AMPH: variants seen among roughly 807,000 people sequenced by gnomAD.
AMPH encodes amphiphysin (Stiff-Mann syndrome with breast cancer 128kD autoantigen).
A neutral mutation model predicts 99.1 loss-of-function variants in AMPH; 49 were observed. The observed-to-expected ratio is 0.49, with a 90% confidence interval of 0.39 to 0.63. The LOEUF (loss-of-function observed/expected upper bound fraction) is 0.63, where lower values mean the gene tolerates loss of function less well. AMPH is among the 20% of genes least tolerant of loss of function. The pLI is 0.00. For synonymous variants in AMPH, 314 were observed against 317.3 expected (o/e 0.99, Z 0.11); for missense variants, 759 against 863.4 (o/e 0.88, Z 1.52).
intron 15 of AMPH, 70 bp from the exon 16 acceptor site, chr7:38,422,547 T>C (rs1055679044): frequency 8.8e-7 from 1 of 1,142,592 alleles, no homozygotes; most frequent in African/African-American, 1.5e-5. Flanking sequence ...CAATTGTGTC[T>C]GCCTACGTAT....
At chr7:38,515,009 A>T (rs1367347887) in intron 2 of AMPH, among the ~76,000 whole-genome samples, 1 of 152,078 alleles carries the variant, frequency 6.6e-6, no homozygotes, top group Non-Finnish European at 1.5e-5. Context: ...AGAAGAGGAG[A>T]GCTATAGGAA....
chr7:38,392,377 C>CTTTTTTTTTT lies in AMPH; in HGVS notation c.1609-370_1609-361dup, dbSNP rs574057389. 2.3e-3 allele frequency among the ~76,000 whole-genome samples: 98 copies of CTTTTTTTTTT among 42,044 alleles called. 10 individuals are homozygous for CTTTTTTTTTT. The highest frequency in any genetic ancestry group is 3.8e-3 in the East Asian group (4 of 1,064). 27.6% of individuals were successfully genotyped at this position (42,044 alleles called of 152,430 possible). A position where few individuals can be genotyped will look rare whatever the true frequency, so the allele number is the denominator to read the frequency against. On this transcript the variant is annotated intron_variant, in intron 18 of 20. Transcript: ENST00000356264. ...GGAGTCAATGCAGGCCGGCCTGGTT[C>CTTTTTTTTTT]TTTTTTTTTTTTTTTTTTTTTTTTT...
At chr7:38,384,967 T>A in intron 20 of AMPH, 42 bp from the exon 21 acceptor site, 1 of 1,544,976 alleles carries the variant, frequency 6.5e-7, no homozygotes, top group South Asian at 1.1e-5. Flanking sequence ...AGCAAACTAC[T>A]GGAAAATCCA....
intron 16 of AMPH, among the ~76,000 whole-genome samples, chr7:38,421,787 A>G (rs971372720): frequency 1.2e-4 from 19 of 152,334 alleles, no homozygotes; most frequent in African/African-American, 2.9e-4. Flanking sequence ...CTCAAAAGTG[A>G]TATCTCTTAA....
chr7:38,389,459 TC>T (rs1398236352), intron 20 of AMPH, among the ~76,000 whole-genome samples: 1 of 152,148 alleles, frequency 6.6e-6, no homozygotes, highest in Non-Finnish European at 1.5e-5. Flanking sequence ...CTCATCAATA[TC>T]CACACACCCA....
chr7:38,538,806 G>A (rs543264701), intron 1 of AMPH, among the ~76,000 whole-genome samples: 2 of 152,328 alleles, frequency 1.3e-5, no homozygotes, highest in African/African-American at 4.8e-5. Flanking sequence ...CTTTGGGGGA[G>A]ACTGAGTAGG....
At chr7:38,572,415 T>C (rs1453691993) in intron 1 of AMPH, among the ~76,000 whole-genome samples, 6 of 152,156 alleles carry the variant, frequency 3.9e-5, no homozygotes, top group Non-Finnish European at 8.8e-5. Context: ...GTACAATCCA[T>C]GATGCTCACA....
intron 1 of AMPH, among the ~76,000 whole-genome samples, chr7:38,539,120 AG>A (rs1162547763): frequency 6.6e-6 from 1 of 152,222 alleles, no homozygotes; most frequent in African/African-American, 2.4e-5. Context: ...GGGGACCCAG[AG>A]GTATGGTCAA....
At chr7:38,432,852 A>C (rs961359098) in intron 12 of AMPH, among the ~76,000 whole-genome samples, 1 of 152,172 alleles carries the variant, frequency 6.6e-6, no homozygotes, top group African/African-American at 2.4e-5. Flanking sequence ...TTGGCAGAGC[A>C]CCCCCTAAGA....
chr7:38,393,532 G>A (rs1271202891), intron 18 of AMPH, among the ~76,000 whole-genome samples: 1 of 152,172 alleles, frequency 6.6e-6, no homozygotes, highest in East Asian at 1.9e-4. Flanking sequence ...TTCTCAAAGT[G>A]CCACCCAGTG....
intron 11 of AMPH, among the ~76,000 whole-genome samples, chr7:38,448,764 G>A (rs192519142): frequency 1.2e-4 from 18 of 152,276 alleles, no homozygotes; most frequent in African/African-American, 3.1e-4. Flanking sequence ...CCTATCGATT[G>A]TTCTCTCACA....
At chr7:38,434,461 C>T (rs1407743439) in intron 12 of AMPH, among the ~76,000 whole-genome samples, 4 of 152,092 alleles carry the variant, frequency 2.6e-5, no homozygotes, top group African/African-American at 9.7e-5. Context: ...AAGCATGGGC[C>T]GGGCATGGTG....
At chr7:38,438,370 T>C (rs957970336) in intron 11 of AMPH, among the ~76,000 whole-genome samples, 1 of 152,196 alleles carries the variant, frequency 6.6e-6, no homozygotes, top group Non-Finnish European at 1.5e-5. Flanking sequence ...GGCTGAATGG[T>C]GATCTATTGT....
chr7:38,529,420 T>C (rs1790311373), intron 2 of AMPH, among the ~76,000 whole-genome samples: 1 of 152,252 alleles, frequency 6.6e-6, no homozygotes, highest in Non-Finnish European at 1.5e-5. Context: ...TTGTCAGAAA[T>C]GCAGATTCTC....
chr7:38,550,136 A>AT (rs1791129808), intron 1 of AMPH, among the ~76,000 whole-genome samples: 1 of 152,222 alleles, frequency 6.6e-6, no homozygotes, highest in African/African-American at 2.4e-5. Flanking sequence ...GTATGAAGCA[A>AT]TAAGTATGCT....
rs746714896 is a variant in AMPH, at chr7:38,463,077, T to C, written c.786A>G (p.Ser262=). ...SGPLRIAKTP[S]PPEEPSPLPS... is the part of the protein sequence containing the mutation. The stretch of plus-strand genomic sequence containing the variant: ...GGAGGGGTGAAGGCTCCTCAGGCGG[T>C]GATGGTGTCTTTGCAATGCGGAGAG... Residue 262 remains serine, a synonymous_variant, in exon 10 of 21, where the codon TCA becomes TCG. Transcript: ENST00000356264. The C allele has an allele frequency of 1.5e-4, 240 of 1,612,782 alleles. 1 individual carries two copies. Among genetic ancestry groups the C allele is most frequent in the Non-Finnish European group, 1.8e-4 (210 of 1,179,304 alleles).
intron 14 of AMPH, chr7:38,428,052 G>C (rs1472488254): frequency 2.2e-6 from 1 of 456,674 alleles, no homozygotes; most frequent in Non-Finnish European, 4.4e-6. Flanking sequence ...ACAATCACCT[G>C]CTAGTAAGTC....
At chr7:38,422,057 A>C (rs1439659966) in intron 16 of AMPH, among the ~76,000 whole-genome samples, 1 of 152,222 alleles carries the variant, frequency 6.6e-6, no homozygotes, top group Non-Finnish European at 1.5e-5. Context: ...TTTCACGTTC[A>C]AGAAACAAAC....
At chr7:38,516,014 T>A (rs1008819034) in intron 2 of AMPH, among the ~76,000 whole-genome samples, 1 of 152,246 alleles carries the variant, frequency 6.6e-6, no homozygotes, top group East Asian at 1.9e-4. Context: ...TAGCAGCCTA[T>A]GCTTATATTC....
Sources: allele counts gnomAD v4.1 joint callset (sites outside exome capture counted in the v4.1 genomes callset), GRCh38; gene constraint gnomAD v4.1.1; transcripts MANE v1.5; gene names NCBI Gene and HGNC (gene_info 2026-07-23, HGNC 2026-07-21).